The following SEMA6A variants were observed in gnomAD, a reference collection of about 807,000 sequenced individuals.
The protein encoded by SEMA6A is semaphorin-6A.
SEMA6A carries 25 observed loss-of-function variants against 96.8 expected under a neutral mutation model. The ratio of observed to expected loss-of-function variants is 0.26; its 90% CI spans 0.19 to 0.36. The LOEUF is 0.36. Among genes scored for constraint, SEMA6A ranks in the 10% least tolerant of loss-of-function variants. SEMA6A has a pLI of 1.00. For synonymous variants in SEMA6A, 612 were observed against 518.0 expected (o/e 1.18, Z -2.46); for missense variants, 1,363 against 1,323.1 (o/e 1.03, Z -0.47).
chr5:116,459,231 G>A (rs72810792), intron 18 of SEMA6A, among the ~76,000 whole-genome samples: 30,262 of 152,050 alleles, frequency 0.2, 3,320 homozygotes, highest in East Asian at 0.42. Context: ...AAATGCCAGC[G>A]ATGTGTAGTA....
intron 1 of SEMA6A, among the ~76,000 whole-genome samples, chr5:116,559,600 A>G (rs1472231653): frequency 6.6e-6 from 1 of 152,014 alleles, no homozygotes; most frequent in Non-Finnish European, 1.5e-5. Context: ...CCAATACAAG[A>G]GCCTTGCAAC....
chr5:116,518,671 C>T (rs1758781932), intron 1 of SEMA6A, among the ~76,000 whole-genome samples: 2 of 152,224 alleles, frequency 1.3e-5, no homozygotes, highest in Non-Finnish European at 2.9e-5. Flanking sequence ...AGGATCCCTG[C>T]ACGTGTGTGC....
chr5:116,448,006 G>A (rs376212686), intron 18 of SEMA6A, among the ~76,000 whole-genome samples, 195 bp from the exon 19 acceptor site: 19 of 152,062 alleles, frequency 1.2e-4, no homozygotes, highest in African/African-American at 3.4e-4. Flanking sequence ...GTATGTAAAT[G>A]GACTCCATTT....
chr5:116,526,029 C>T (rs1278721865), intron 1 of SEMA6A, among the ~76,000 whole-genome samples: 1 of 152,084 alleles, frequency 6.6e-6, no homozygotes. Flanking sequence ...CAATAAACTG[C>T]CCCTAACAGA....
chr5:116,504,264 T>C (rs934906326), intron 2 of SEMA6A, among the ~76,000 whole-genome samples: 2 of 152,176 alleles, frequency 1.3e-5, no homozygotes, highest in African/African-American at 4.8e-5. Context: ...GGCAGGACTC[T>C]CCTCTTTTGA....
At chr5:116,573,214 C>A (rs1215635565) in intron 1 of SEMA6A, among the ~76,000 whole-genome samples, 1 of 152,224 alleles carries the variant, frequency 6.6e-6, no homozygotes, top group Non-Finnish European at 1.5e-5. Context: ...CATGGTAGCG[C>A]CCTAGGACAC....
intron 1 of SEMA6A, among the ~76,000 whole-genome samples, chr5:116,550,825 A>G (rs1436822906): frequency 1.3e-5 from 2 of 152,160 alleles, no homozygotes; most frequent in African/African-American, 4.8e-5. Context: ...GCCAATATTG[A>G]CTGATCATCA....
intron 10 of SEMA6A, among the ~76,000 whole-genome samples, chr5:116,483,058 G>C (rs376400170): frequency 9.8e-5 from 15 of 152,308 alleles, no homozygotes; most frequent in East Asian, 5.8e-4. Context: ...GAATATGTTT[G>C]TGGGGAAACC....
chr5:116,474,004 A>G (rs1229667378), intron 16 of SEMA6A, among the ~76,000 whole-genome samples: 1 of 152,220 alleles, frequency 6.6e-6, no homozygotes, highest in East Asian at 1.9e-4. Flanking sequence ...AGTAAAGCAC[A>G]GGGTTGGGAC....
chr5:116,531,291 G>A (rs1329768116), intron 1 of SEMA6A, among the ~76,000 whole-genome samples: 1 of 152,116 alleles, frequency 6.6e-6, no homozygotes, highest in Non-Finnish European at 1.5e-5. Flanking sequence ...AGGTCAGATG[G>A]ACATGACTCA....
At chr5:116,483,332 G>C (rs998932906) in intron 10 of SEMA6A, among the ~76,000 whole-genome samples, 2 of 152,066 alleles carry the variant, frequency 1.3e-5, no homozygotes, top group Admixed American at 1.3e-4. Context: ...TTTACATTTG[G>C]ACCCACATTT....
At chr5:116,561,128 G>C (rs1760803910) in intron 1 of SEMA6A, among the ~76,000 whole-genome samples, 1 of 152,054 alleles carries the variant, frequency 6.6e-6, no homozygotes, top group Non-Finnish European at 1.5e-5. Context: ...CTTTGAACCT[G>C]TTATCTCATC....
intron 16 of SEMA6A, 147 bp from the exon 17 acceptor site, chr5:116,473,240 G>A (rs1756263175): frequency 9.6e-6 from 7 of 731,668 alleles, no homozygotes; most frequent in East Asian, 2.8e-5. Flanking sequence ...TGCGTGTAAT[G>A]TAAGATGCCT....
At chr5:116,510,185 G>A (rs1200481748) in intron 1 of SEMA6A, among the ~76,000 whole-genome samples, 1 of 152,088 alleles carries the variant, frequency 6.6e-6, no homozygotes, top group African/African-American at 2.4e-5. Flanking sequence ...AGTTCAAGTA[G>A]ATAAGCAGTT....
chr5:116,464,532 A>T (rs1755613022), intron 18 of SEMA6A, among the ~76,000 whole-genome samples: 1 of 152,268 alleles, frequency 6.6e-6, no homozygotes, highest in East Asian at 1.9e-4. Flanking sequence ...TGTTAGTATG[A>T]CTGTATATAC....
In SEMA6A at chr5:116,467,713, T is replaced by C. The variant is rs1262611924; in HGVS notation, c.1764A>G (p.Thr588=). 6.2e-7 allele frequency: 1 copy of C among 1,613,788 alleles called. No individual in the cohort carries two copies. Among genetic ancestry groups the C allele is most frequent in the Admixed American group, 1.7e-5 (1 of 59,986 alleles). Reference sequence around the variant, plus strand: ...ACCCCTCTTGAGCCGTCGAATCTGATGTGGTTGTGCTGGGCAAGAGGGAAC... The same window carrying C: ...ACCCCTCTTGAGCCGTCGAATCTGACGTGGTTGTGCTGGGCAAGAGGGAAC... ...HSSSLLPSTT[T]SDSTAQEGYE... Residue 588 remains threonine, a synonymous_variant, in exon 18 of 19, where the codon ACA becomes ACG. Coordinates refer to ENST00000343348, the MANE Select transcript of SEMA6A (RefSeq NM_020796.5).
chr5:116,470,377 T>C (rs1280775659), intron 17 of SEMA6A, among the ~76,000 whole-genome samples: 1 of 152,234 alleles, frequency 6.6e-6, no homozygotes, highest in Non-Finnish European at 1.5e-5. Context: ...TTTTGTCTTA[T>C]CAGTCCAATA....
At chr5:116,452,132 A>G (rs1754679145) in intron 18 of SEMA6A, among the ~76,000 whole-genome samples, 2 of 152,158 alleles carry the variant, frequency 1.3e-5, no homozygotes, top group South Asian at 2.1e-4. Flanking sequence ...AGAGAGAACA[A>G]TCAGAGTTGG....
At chr5:116,453,673 C>A (rs901599176) in intron 18 of SEMA6A, among the ~76,000 whole-genome samples, 1 of 152,196 alleles carries the variant, frequency 6.6e-6, no homozygotes, top group Non-Finnish European at 1.5e-5. Context: ...AGAAAGCTAA[C>A]TTTCGGCTTG....
Sources: allele counts gnomAD v4.1 joint callset (sites outside exome capture counted in the v4.1 genomes callset), GRCh38; gene constraint gnomAD v4.1.1; transcripts MANE v1.5; gene names NCBI Gene and HGNC (gene_info 2026-07-23, HGNC 2026-07-21).